Variants in CAPZB observed in about 807,000 individuals in gnomAD.
CAPZB encodes the protein capping actin protein of muscle Z-line subunit beta, also known as F-actin-capping protein subunit beta.
Under a neutral mutation model 38.1 loss-of-function variants are expected in CAPZB, and 2 were observed. The ratio of observed to expected loss-of-function variants is 0.05; its 90% CI spans 0.02 to 0.17. CAPZB has a LOEUF of 0.17. Among genes scored for constraint, CAPZB ranks in the 10% least tolerant of loss-of-function variants. The pLI is 1.00. For synonymous variants in CAPZB, 107 were observed against 127.4 expected (o/e 0.84, Z 1.08); for missense variants, 161 against 334.2 (o/e 0.48, Z 4.04).
At position 19,418,505 on chromosome 1, in the gene CAPZB, C is replaced by T. The variant is rs146449568; in HGVS notation, c.93+1156G>A. On this transcript the variant is annotated intron_variant, in intron 2 of 8. Coordinates refer to ENST00000264202, the MANE Select transcript of CAPZB (RefSeq NM_004930.5). ...GCCTTCTCTCCGCTTACATCACAAG[C>T]ATGTGCAGTTGTCTCTCTGAGCAGC... is the stretch of plus-strand genomic sequence containing the variant. 1.5e-3 allele frequency among the ~76,000 whole-genome samples: 221 copies of T among 152,308 alleles called. 1 individual carries two copies. In the Middle Eastern group the frequency reaches 0.024, roughly 16 times the overall value.
chr1:19,468,384 A>G (rs1211617925), intron 1 of CAPZB, among the ~76,000 whole-genome samples: 3 of 152,176 alleles, frequency 2.0e-5, no homozygotes, highest in Non-Finnish European at 4.4e-5. Flanking sequence ...ACTGGTGCTC[A>G]CACTCAACCA....
chr1:19,409,927 A>T (rs964930689), intron 2 of CAPZB, among the ~76,000 whole-genome samples: 1 of 152,202 alleles, frequency 6.6e-6, no homozygotes, highest in Admixed American at 6.5e-5. Context: ...TTAATAGTTA[A>T]TTCTTCAGTC....
chr1:19,404,954 G>A (rs142875213), intron 2 of CAPZB, among the ~76,000 whole-genome samples: 11 of 152,186 alleles, frequency 7.2e-5, no homozygotes, highest in Admixed American at 1.3e-4. Flanking sequence ...GTAGCTTACC[G>A]AGGGTCACCT....
At chr1:19,450,199 GTAA>G (rs2094511457) in intron 1 of CAPZB, among the ~76,000 whole-genome samples, 1 of 89,682 alleles carries the variant, frequency 1.1e-5, no homozygotes, top group African/African-American at 3.6e-5. Flanking sequence ...AAAAAATGTA[GTAA>G]TACAATACAT....
At chr1:19,395,999 C>T (rs910217185) in intron 2 of CAPZB, among the ~76,000 whole-genome samples, 8 of 152,328 alleles carry the variant, frequency 5.3e-5, no homozygotes, top group Non-Finnish European at 1.0e-4. Context: ...CTATCCAGAC[C>T]ACCTTTCTTC....
intron 1 of CAPZB, among the ~76,000 whole-genome samples, chr1:19,472,240 T>G (rs1406450991): frequency 6.6e-6 from 1 of 152,186 alleles, no homozygotes; most frequent in Non-Finnish European, 1.5e-5. Context: ...GAGGTTGTCA[T>G]GAACTGAGGA....
chr1:19,364,303 T>C (rs973068360), intron 4 of CAPZB, among the ~76,000 whole-genome samples: 1 of 152,214 alleles, frequency 6.6e-6, no homozygotes, highest in Non-Finnish European at 1.5e-5. Flanking sequence ...TCAGGGCCTG[T>C]ATGAGGCAGA....
chr1:19,419,874 G>A (rs1412676394), intron 1 of CAPZB, 124 bp from the exon 2 acceptor site: 49 of 627,018 alleles, frequency 7.8e-5, no homozygotes, highest in South Asian at 7.4e-4. Context: ...TGGGCCCTCC[G>A]CCAGGTCTCT....
intron 2 of CAPZB, among the ~76,000 whole-genome samples, chr1:19,386,026 T>C (rs993640236): frequency 1.3e-5 from 2 of 151,822 alleles, no homozygotes; most frequent in Non-Finnish European, 2.9e-5. Context: ...GAACTCGGAG[T>C]AGAAAAACTC....
intron 2 of CAPZB, among the ~76,000 whole-genome samples, chr1:19,386,069 C>A (rs1169906741): frequency 1.3e-5 from 2 of 152,242 alleles, no homozygotes; most frequent in African/African-American, 4.8e-5. Context: ...GGCTCCTATG[C>A]TGGGTGGAGT....
intron 2 of CAPZB, among the ~76,000 whole-genome samples, chr1:19,388,084 C>T (rs1056080513): frequency 2.0e-5 from 3 of 152,196 alleles, no homozygotes; most frequent in African/African-American, 7.2e-5. Context: ...TCCTGCCAGG[C>T]ACACTGCTTG....
intron 4 of CAPZB, among the ~76,000 whole-genome samples, chr1:19,373,767 C>T (rs1234405863): frequency 6.6e-6 from 1 of 151,980 alleles, no homozygotes; most frequent in African/African-American, 2.4e-5. Context: ...CTATAGCTCA[C>T]TGTAACCTTG....
At chr1:19,453,750 A>AG (rs1299134865) in intron 1 of CAPZB, among the ~76,000 whole-genome samples, 1 of 152,230 alleles carries the variant, frequency 6.6e-6, no homozygotes, top group African/African-American at 2.4e-5. Context: ...CCAGAATAGC[A>AG]GGGGCTTTGT....
intron 1 of CAPZB, among the ~76,000 whole-genome samples, chr1:19,453,130 A>G (rs1558276015): frequency 6.6e-6 from 1 of 152,104 alleles, no homozygotes; most frequent in East Asian, 2.0e-4. Context: ...TTATTTTAAC[A>G]TAAATAAAGT....
intron 2 of CAPZB, among the ~76,000 whole-genome samples, chr1:19,394,542 G>A (rs966420780): frequency 4.6e-5 from 7 of 152,102 alleles, no homozygotes; most frequent in African/African-American, 1.4e-4. Flanking sequence ...CCAACATAGT[G>A]AAACGCTGTT....
At chr1:19,371,736 C>T (rs555460128) in intron 4 of CAPZB, among the ~76,000 whole-genome samples, 13 of 152,340 alleles carry the variant, frequency 8.5e-5, no homozygotes, top group African/African-American at 3.1e-4. Flanking sequence ...CTCCCCCTAC[C>T]GCCTGCAGTT....
intron 6 of CAPZB, among the ~76,000 whole-genome samples, chr1:19,350,202 G>A (rs2093984262): frequency 6.6e-6 from 1 of 152,272 alleles, no homozygotes; most frequent in African/African-American, 2.4e-5. Flanking sequence ...GCAGGGCGTG[G>A]CCCTAAGGCA....
intron 1 of CAPZB, among the ~76,000 whole-genome samples, chr1:19,450,478 T>G (rs941360476): frequency 1.3e-5 from 2 of 152,198 alleles, no homozygotes; most frequent in Non-Finnish European, 1.5e-5. Flanking sequence ...TAAGAGTGTG[T>G]CAGGCACTGT....
chr1:19,346,452 T>TATA (rs1491326290), intron 6 of CAPZB, among the ~76,000 whole-genome samples: 2 of 73,252 alleles, frequency 2.7e-5, no homozygotes, highest in African/African-American at 1.2e-4. Flanking sequence ...TGAGAGAAGC[T>TATA]AAAAAAAAAA....
Sources: gnomAD v4.1 joint callset for allele counts (sites outside exome capture counted in the v4.1 genomes callset) on GRCh38, gnomAD v4.1.1 for gene constraint, MANE v1.5 for transcripts, NCBI Gene and HGNC (gene_info 2026-07-23, HGNC 2026-07-21) for gene names.